SCHIP1: variants seen among roughly 807,000 people sequenced by gnomAD.
SCHIP1 encodes schwannomin-interacting protein 1.
In SCHIP1, 8 loss-of-function variants were observed where a neutral mutation model predicts 29.7. The ratio of observed to expected loss-of-function variants is 0.27; its 90% CI spans 0.16 to 0.49. The LOEUF is 0.49. SCHIP1 is among the 20% of genes least tolerant of loss of function. The pLI is 0.99. For synonymous variants in SCHIP1, 76 were observed against 94.9 expected (o/e 0.80, Z 1.16); for missense variants, 193 against 294.6 (o/e 0.66, Z 2.52).
chr3:159,564,400 G>A, the SCHIP1 span, among the ~76,000 whole-genome samples: 2 of 151,476 alleles, frequency 1.3e-5, no homozygotes, highest in Non-Finnish European at 2.9e-5. Flanking sequence ...TTTTTAGACG[G>A]AGTTTCACTC....
the SCHIP1 span, among the ~76,000 whole-genome samples, chr3:159,555,133 G>A: frequency 1.3e-5 from 2 of 152,110 alleles, no homozygotes; most frequent in Admixed American, 6.5e-5. Flanking sequence ...ATTCCAGATT[G>A]TATTATATTA....
the SCHIP1 span, among the ~76,000 whole-genome samples, chr3:159,663,133 A>T: frequency 6.6e-6 from 1 of 152,206 alleles, no homozygotes; most frequent in South Asian, 2.1e-4. Flanking sequence ...GACCTTATCT[A>T]ACCTCCAAGA....
chr3:159,726,340 T>A, the SCHIP1 span, among the ~76,000 whole-genome samples: 1 of 152,330 alleles, frequency 6.6e-6, no homozygotes, highest in South Asian at 2.1e-4. Context: ...AGTCTAGGGA[T>A]AAAGAATTCC....
the SCHIP1 span, among the ~76,000 whole-genome samples, chr3:159,392,218 T>A: frequency 7.9e-5 from 12 of 152,194 alleles, no homozygotes; most frequent in Non-Finnish European, 1.5e-4. Flanking sequence ...GCAGTGCTAC[T>A]GTCAACACAA....
the SCHIP1 span, among the ~76,000 whole-genome samples, chr3:159,424,797 T>TC: frequency 4.1e-3 from 626 of 151,180 alleles, 10 homozygotes; most frequent in African/African-American, 0.014. Context: ...GAGAGAAAGG[T>TC]AGGGTTACCC....
the SCHIP1 span, among the ~76,000 whole-genome samples, chr3:159,544,909 T>A: frequency 6.6e-6 from 1 of 152,118 alleles, no homozygotes; most frequent in Admixed American, 6.6e-5. Flanking sequence ...TTTTAAGAAA[T>A]CTTTGCCTAC....
At chr3:159,688,519 T>A in the SCHIP1 span, among the ~76,000 whole-genome samples, 1 of 152,204 alleles carries the variant, frequency 6.6e-6, no homozygotes, top group East Asian at 1.9e-4. Context: ...ATGGGTAGAT[T>A]GCAAAAATTG....
At chr3:159,707,037 GA>G in the SCHIP1 span, among the ~76,000 whole-genome samples, 2 of 152,222 alleles carry the variant, frequency 1.3e-5, no homozygotes. Flanking sequence ...CTAGAGGAGA[GA>G]AGGTAGACAA....
the SCHIP1 span, among the ~76,000 whole-genome samples, chr3:159,656,989 T>G: frequency 6.6e-6 from 1 of 151,896 alleles, no homozygotes; most frequent in Non-Finnish European, 1.5e-5. Context: ...CATACCTGTG[T>G]TCAGAGTGTG....
chr3:159,278,411 T>A, the SCHIP1 span, among the ~76,000 whole-genome samples: 1 of 152,194 alleles, frequency 6.6e-6, no homozygotes, highest in Admixed American at 6.5e-5. Context: ...AAAGCAGAAC[T>A]GGAGTTATAA....
chr3:159,640,043 G>C, the SCHIP1 span, among the ~76,000 whole-genome samples: 2 of 152,026 alleles, frequency 1.3e-5, no homozygotes, highest in Non-Finnish European at 2.9e-5. Context: ...TATCTTATCT[G>C]GAGTTAATGT....
At chr3:159,810,644 G>A in the SCHIP1 span, among the ~76,000 whole-genome samples, 1 of 152,136 alleles carries the variant, frequency 6.6e-6, no homozygotes, top group Non-Finnish European at 1.5e-5. Flanking sequence ...CATAACAGTA[G>A]TTCCTTCTTG....
At chr3:159,541,602 T>TG in the SCHIP1 span, among the ~76,000 whole-genome samples, 1 of 151,900 alleles carries the variant, frequency 6.6e-6, no homozygotes, top group Non-Finnish European at 1.5e-5. Context: ...TGGCAGGCAG[T>TG]GGGGAGGAAG....
At chr3:159,491,314 C>CA in the SCHIP1 span, among the ~76,000 whole-genome samples, 3 of 152,252 alleles carry the variant, frequency 2.0e-5, no homozygotes, top group African/African-American at 7.2e-5. Flanking sequence ...GGCATCGCCT[C>CA]ACCCAGGAAG....
chr3:159,828,472 C>CATATATAT, the SCHIP1 span, among the ~76,000 whole-genome samples: 19 of 116,000 alleles, frequency 1.6e-4, no homozygotes, highest in African/African-American at 6.0e-4. Context: ...TGTATATATA[C>CATATATAT]ACACACATAC....
the SCHIP1 span, among the ~76,000 whole-genome samples, chr3:159,296,089 GGAAAGA>G: frequency 6.6e-6 from 1 of 151,142 alleles, no homozygotes; most frequent in Admixed American, 6.6e-5. Context: ...CGAGAGAGGA[GGAAAGA>G]GGAAAACAAC....
intron 2 of SCHIP1, among the ~76,000 whole-genome samples, chr3:159,885,917 C>A (rs933022088): frequency 1.3e-4 from 20 of 152,336 alleles, no homozygotes; most frequent in Middle Eastern, 3.4e-3. Flanking sequence ...AAAGACTCAA[C>A]ACATTTTTAT....
the SCHIP1 span, among the ~76,000 whole-genome samples, chr3:159,488,733 A>C: frequency 2.0e-5 from 3 of 152,232 alleles, no homozygotes; most frequent in Non-Finnish European, 4.4e-5. Flanking sequence ...GGCGCCATCA[A>C]AGTGGAGATC....
chr3:159,284,829 T>C, the SCHIP1 span, among the ~76,000 whole-genome samples: 2 of 152,158 alleles, frequency 1.3e-5, no homozygotes. Flanking sequence ...TTCCATTTAT[T>C]TTTTCTTCAG....
Sources: allele counts gnomAD v4.1 joint callset (sites outside exome capture counted in the v4.1 genomes callset), GRCh38; gene constraint gnomAD v4.1.1; transcripts MANE v1.5; gene names NCBI Gene and HGNC (gene_info 2026-07-23, HGNC 2026-07-21).